Variants in LAMA2 observed in about 807,000 individuals in gnomAD.
LAMA2 encodes laminin subunit alpha 2, also known as laminin subunit alpha-2.
Under a neutral mutation model 364.8 loss-of-function variants are expected in LAMA2, and 269 were observed. The ratio of observed to expected loss-of-function variants is 0.74; its 90% CI spans 0.67 to 0.82. The LOEUF is 0.82. Ranked by LOEUF, LAMA2 falls within the 40% of genes least tolerant of loss-of-function variation. LAMA2 has a pLI of 0.00. For missense variants in LAMA2, 3,807 were observed against 3,873.2 expected (o/e 0.98, Z 0.45); for synonymous variants, 1,379 against 1,370.6 (o/e 1.01, Z -0.14).
intron 8 of LAMA2, among the ~76,000 whole-genome samples, chr6:129,160,034 C>G (rs957967800): frequency 6.6e-6 from 1 of 152,132 alleles, no homozygotes; most frequent in Non-Finnish European, 1.5e-5. Flanking sequence ...TTGACATCCT[C>G]TCATAAAATA....
intron 54 of LAMA2, chr6:129,479,563 A>G (rs564914786): frequency 2.6e-5 from 4 of 152,386 alleles, no homozygotes; most frequent in Non-Finnish European, 5.9e-5. Flanking sequence ...CAAGAATTTT[A>G]TAGAAACTCA....
intron 29 of LAMA2, among the ~76,000 whole-genome samples, chr6:129,331,035 C>CT (rs1400569910): frequency 6.6e-6 from 1 of 151,878 alleles, no homozygotes; most frequent in Admixed American, 6.6e-5. Flanking sequence ...TGCCCGGCTT[C>CT]TTTTTTTGTA....
intron 56 of LAMA2, 62 bp from the exon 57 acceptor site, chr6:129,491,839 T>A: frequency 1.5e-6 from 2 of 1,359,298 alleles, no homozygotes; most frequent in Non-Finnish European, 2.1e-6. Flanking sequence ...GGAAAGAATT[T>A]GATTTCCAAC....
chr6:128,893,913 T>C (rs865812141), intron 1 of LAMA2, among the ~76,000 whole-genome samples: 34 of 152,224 alleles, frequency 2.2e-4, no homozygotes, highest in Admixed American at 1.2e-3. Context: ...TGGATTCTCA[T>C]TTCTGCCTCT....
At chr6:129,076,789 T>C (rs977700090) in intron 3 of LAMA2, among the ~76,000 whole-genome samples, 12 of 152,022 alleles carry the variant, frequency 7.9e-5, no homozygotes, top group African/African-American at 2.4e-4. Flanking sequence ...TTCATTTTTG[T>C]TTGTTTTCAC....
intron 40 of LAMA2, among the ~76,000 whole-genome samples, chr6:129,425,702 G>A (rs990148562): frequency 6.6e-6 from 1 of 151,992 alleles, no homozygotes; most frequent in African/African-American, 2.4e-5. Context: ...TTCTGTTCCT[G>A]CATTAGTTTG....
At chr6:129,396,281 A>G (rs556029547) in intron 37 of LAMA2, among the ~76,000 whole-genome samples, 1 of 152,324 alleles carries the variant, frequency 6.6e-6, no homozygotes, top group African/African-American at 2.4e-5. Context: ...CAACCTCCTG[A>G]AAAATTCAGA....
chr6:129,173,191 C>T (rs1780332646), intron 9 of LAMA2, among the ~76,000 whole-genome samples: 1 of 152,178 alleles, frequency 6.6e-6, no homozygotes, highest in Non-Finnish European at 1.5e-5. Context: ...CATGTTGGCT[C>T]CTCTCCCCGA....
chr6:129,099,134 T>TG (rs1554217830), intron 4 of LAMA2, among the ~76,000 whole-genome samples: 31 of 149,882 alleles, frequency 2.1e-4, no homozygotes, highest in African/African-American at 5.6e-4. Context: ...TGTTTTTTTT[T>TG]TTTTTGTTTT....
At chr6:129,150,831 T>C (rs943630783) in intron 7 of LAMA2, among the ~76,000 whole-genome samples, 2 of 152,174 alleles carry the variant, frequency 1.3e-5, no homozygotes, top group African/African-American at 4.8e-5. Context: ...CTTTTCCAAG[T>C]TGAATCATAT....
intron 1 of LAMA2, among the ~76,000 whole-genome samples, chr6:128,947,700 T>G (rs1421253550): frequency 6.6e-6 from 1 of 152,188 alleles, no homozygotes; most frequent in Non-Finnish European, 1.5e-5. Flanking sequence ...AGCGAGGATG[T>G]GAGACTGTGG....
chr6:128,928,990 G>A (rs1779270854), intron 1 of LAMA2: 1 of 1,207,932 alleles, frequency 8.3e-7, no homozygotes, highest in Non-Finnish European at 1.2e-6. Context: ...AGCTCAGAAG[G>A]AGCAGAAGGA....
At chr6:128,961,256 C>CTTTCTTATT (rs1781471365) in intron 1 of LAMA2, among the ~76,000 whole-genome samples, 1 of 139,152 alleles carries the variant, frequency 7.2e-6, no homozygotes, top group Non-Finnish European at 1.5e-5. Context: ...TAATTGGACA[C>CTTTCTTATT]TTTCTTATTA....
intron 12 of LAMA2, among the ~76,000 whole-genome samples, chr6:129,216,174 A>G (rs1274645763): frequency 1.3e-5 from 2 of 152,232 alleles, no homozygotes; most frequent in Non-Finnish European, 2.9e-5. Flanking sequence ...GTCTATAGCT[A>G]CATTCTGCAG....
intron 1 of LAMA2, among the ~76,000 whole-genome samples, chr6:129,021,045 T>A (rs1441790858): frequency 6.6e-6 from 1 of 152,172 alleles, no homozygotes; most frequent in Non-Finnish European, 1.5e-5. Context: ...ACTTAACAGA[T>A]TTATTTATTT....
rs1491000554 is a variant in LAMA2, at chr6:129,364,566, A to G, written c.4718-1653A>G. 2.6e-5 allele frequency among the ~76,000 whole-genome samples: 4 copies of G among 152,182 alleles called. No homozygotes were observed. The East Asian group carries it at 5.8e-4, about 22-fold the overall frequency. On this transcript the variant is annotated intron_variant, in intron 32 of 64. Coordinates refer to ENST00000421865, the MANE Select transcript of LAMA2 (RefSeq NM_000426.4). ...AATATACATGTTTTTTAAATCTGCTAAAAGATTCAATATATGTTAATTTTG... is the reference window on the plus strand; with the variant it reads ...AATATACATGTTTTTTAAATCTGCTGAAAGATTCAATATATGTTAATTTTG...
intron 4 of LAMA2, among the ~76,000 whole-genome samples, chr6:129,105,574 C>T (rs535143003): frequency 9.1e-4 from 138 of 152,296 alleles, no homozygotes; most frequent in African/African-American, 3.0e-3. Context: ...GCCTTTTAAA[C>T]CCTGTAGGAG....
At chr6:129,048,534 TTCCTTC>T (rs1467686570) in intron 1 of LAMA2, among the ~76,000 whole-genome samples, 1,333 of 64,134 alleles carry the variant, frequency 0.021, 43 homozygotes, top group Non-Finnish European at 0.029. Context: ...CCTTCCTTCC[TTCCTTC>T]CTTTCTTTCT....
chr6:129,296,853 G>A (rs1773215581), intron 20 of LAMA2, among the ~76,000 whole-genome samples: 1 of 152,084 alleles, frequency 6.6e-6, no homozygotes, highest in African/African-American at 2.4e-5. Context: ...TCTGCTCGGA[G>A]TGATTTTTTA....
Sources: allele counts gnomAD v4.1 joint callset (sites outside exome capture counted in the v4.1 genomes callset), GRCh38; gene constraint gnomAD v4.1.1; transcripts MANE v1.5; gene names NCBI Gene and HGNC (gene_info 2026-07-23, HGNC 2026-07-21).